MTM1: variants seen among roughly 807,000 people sequenced by gnomAD.
MTM1 encodes the protein myotubularin 1.
In MTM1, 9 loss-of-function variants were observed where a neutral mutation model predicts 52.1. The ratio of observed to expected loss-of-function variants is 0.17; its 90% CI spans 0.10 to 0.30. The LOEUF (loss-of-function observed/expected upper bound fraction) is 0.30, where lower values mean the gene tolerates loss of function less well. MTM1 is among the 10% of genes least tolerant of loss of function. The pLI is 1.00. For synonymous variants in MTM1, 136 were observed against 163.8 expected, an observed-to-expected ratio of 0.83 and a Z score of 1.29; for missense variants, 277 against 470.7, an observed-to-expected ratio of 0.59 and a Z score of 3.81.
At chrX:150,631,135 C>T (rs1219826471) in intron 6 of MTM1, among the ~76,000 whole-genome samples, 3 of 112,203 alleles carry the variant, frequency 2.7e-5, no homozygotes, top group African/African-American at 9.7e-5. Context: ...GTGTAAACCA[C>T]ATTGTTTATA....
chrX:150,592,526 A>G (rs1198310022), intron 1 of MTM1, 79 bp from the exon 2 acceptor site: 14 of 750,486 alleles, frequency 1.9e-5, no homozygotes, highest in Non-Finnish European at 2.9e-5. Flanking sequence ...CTCAGTTGCC[A>G]TATTTAAGTC....
intron 10 of MTM1, among the ~76,000 whole-genome samples, chrX:150,656,907 T>C: frequency 8.9e-6 from 1 of 111,741 alleles, no homozygotes; most frequent in South Asian, 3.8e-4. Flanking sequence ...GAAATGCAAA[T>C]CAAAACCACA....
chrX:150,595,006 T>A (rs905462661), intron 2 of MTM1, among the ~76,000 whole-genome samples: 10 of 103,629 alleles, frequency 9.6e-5, no homozygotes, highest in African/African-American at 3.5e-4. Context: ...TACTAGAAAA[T>A]TTTTTAAATT....
chrX:150,631,612 G>A (rs1378007198), intron 6 of MTM1, among the ~76,000 whole-genome samples: 1 of 88,930 alleles, frequency 1.1e-5, no homozygotes, highest in Non-Finnish European at 2.1e-5. Context: ...GTAGTGAGCC[G>A]AGATTGCTCC....
chrX:150,620,854 C>T (rs1188692282), intron 6 of MTM1, among the ~76,000 whole-genome samples: 1 of 111,267 alleles, frequency 9.0e-6, no homozygotes, highest in Non-Finnish European at 1.9e-5. Context: ...CAGTGGCTCA[C>T]GCCTGTAATC....
intron 6 of MTM1, among the ~76,000 whole-genome samples, 161 bp from the exon 7 acceptor site, chrX:150,638,782 C>A (rs782226829): frequency 1.8e-5 from 2 of 111,164 alleles, no homozygotes; most frequent in African/African-American, 6.5e-5. Context: ...TCTGAGTTTT[C>A]CACTGTTTTT....
At chrX:150,580,075 C>T (rs782478838) in intron 1 of MTM1, among the ~76,000 whole-genome samples, 31 of 111,483 alleles carry the variant, frequency 2.8e-4, no homozygotes, top group African/African-American at 1.0e-3. Flanking sequence ...TTGCCTTGTT[C>T]CCACTCTTAT....
chrX:150,566,493 G>A (rs1243711455), upstream of MTM1, among the ~76,000 whole-genome samples: 2 of 111,464 alleles, frequency 1.8e-5, no homozygotes, highest in African/African-American at 3.3e-5. Context: ...TGCCTCATTC[G>A]ATCTCTGCAC....
At chrX:150,613,456 CCT>C (rs781987552) in intron 4 of MTM1, among the ~76,000 whole-genome samples, 4 of 111,385 alleles carry the variant, frequency 3.6e-5, no homozygotes, top group South Asian at 7.5e-4. Flanking sequence ...TTTTTTCTAC[CCT>C]GTTATCTACC....
rs868917477 is a variant in MTM1 at position 150,583,647 on chromosome X, T to A, written c.-10-8958T>A. Among the ~76,000 whole-genome samples the A allele has an allele frequency of 2.4e-4, 9 of 36,939 alleles. 2 individuals are homozygous for A. The highest frequency in any genetic ancestry group is 3.8e-4 in the Non-Finnish European group (9 of 23,898). 32.1% of individuals were successfully genotyped at this position (36,939 alleles called of 115,157 possible). On this transcript the variant is annotated intron_variant, in intron 1 of 14. Transcript: ENST00000370396. ...TATATAATTTATATATAATATATAA[T>A]TTATATATATTATATATAATTTATA...
rs782499456 is a variant in MTM1, at chrX:150,663,917, A to G, written c.1644+308A>G. 6.2e-5 allele frequency among the ~76,000 whole-genome samples: 7 copies of G among 112,024 alleles called. No homozygotes were observed. The East Asian group carries it at 1.7e-3, about 27-fold the overall frequency. Reference sequence around the variant, plus strand: ...ATCACTTGAAGTAGTTATTCATTATATAGACATTGTTTGAAAATTCTTTAC... The same window carrying G: ...ATCACTTGAAGTAGTTATTCATTATGTAGACATTGTTTGAAAATTCTTTAC... On this transcript the variant is annotated intron_variant, in intron 14 of 14. Coordinates refer to ENST00000370396, the MANE Select transcript of MTM1 (RefSeq NM_000252.3).
At chrX:150,572,764 A>G (rs2038401478) in intron 1 of MTM1, among the ~76,000 whole-genome samples, 1 of 112,494 alleles carries the variant, frequency 8.9e-6, no homozygotes, top group Non-Finnish European at 1.9e-5. Flanking sequence ...GCTCTGGGGA[A>G]GAGATGGTTG....
intron 1 of MTM1, among the ~76,000 whole-genome samples, chrX:150,569,763 A>T (rs1380346847): frequency 8.9e-6 from 1 of 112,280 alleles, no homozygotes; most frequent in Non-Finnish European, 1.9e-5. Context: ...CTAGACTGCA[A>T]ACCATTTTGA....
chrX:150,652,605 A>G (rs1323338012), intron 10 of MTM1, among the ~76,000 whole-genome samples: 1 of 89,937 alleles, frequency 1.1e-5, no homozygotes, highest in Non-Finnish European at 2.3e-5. Flanking sequence ...ATATATATAC[A>G]TATATATATA....
chrX:150,610,964 T>G (rs782616311), intron 4 of MTM1, among the ~76,000 whole-genome samples: 85 of 112,527 alleles, frequency 7.6e-4, no homozygotes, highest in African/African-American at 2.7e-3. Context: ...CACTCAAATG[T>G]CAATATGGTA....
intron 6 of MTM1, 65 bp downstream of exon 6, chrX:150,619,204 C>A: frequency 1.3e-6 from 1 of 765,558 alleles, no homozygotes; most frequent in Non-Finnish European, 2.0e-6. Context: ...AAACTGCCTG[C>A]AAACTGGGAT....
chrX:150,668,587 C>T (rs1390290262), intron 14 of MTM1, among the ~76,000 whole-genome samples: 1 of 110,512 alleles, frequency 9.0e-6, no homozygotes, highest in Admixed American at 9.6e-5. Flanking sequence ...TGCTTGCAGT[C>T]CTAGCTACTT....
intron 11 of MTM1, 139 bp downstream of exon 11, chrX:150,658,166 T>C: frequency 3.9e-6 from 2 of 519,013 alleles, no homozygotes; most frequent in Non-Finnish European, 6.5e-6. Flanking sequence ...AAATGCATGA[T>C]GCCTTGGGTA....
chrX:150,582,708 C>T (rs946372256), intron 1 of MTM1, among the ~76,000 whole-genome samples: 3 of 111,068 alleles, frequency 2.7e-5, no homozygotes, highest in Non-Finnish European at 5.7e-5. Context: ...CCAAGGATTG[C>T]AGCCACCACC....
Sources: gnomAD v4.1 joint callset for allele counts (sites outside exome capture counted in the v4.1 genomes callset) on GRCh38, gnomAD v4.1.1 for gene constraint, MANE v1.5 for transcripts, NCBI Gene and HGNC (gene_info 2026-07-23, HGNC 2026-07-21) for gene names.